Variants in SKAP1 observed in about 807,000 individuals in gnomAD.
SKAP1 encodes the protein src kinase associated phosphoprotein 1.
SKAP1 carries 44 observed loss-of-function variants against 58.5 expected under a neutral mutation model. That is an observed-to-expected ratio of 0.75 (90% CI 0.59 to 0.97). SKAP1 has a LOEUF of 0.97. SKAP1 is among the 50% of genes least tolerant of loss of function. SKAP1 has a pLI of 0.00. For missense variants in SKAP1, 390 were observed against 435.2 expected, an observed-to-expected ratio of 0.90 and a Z score of 0.92; for synonymous variants, 127 against 149.7, an observed-to-expected ratio of 0.85 and a Z score of 1.11.
At chr17:48,202,587 G>A (rs1360937953) in intron 4 of SKAP1, among the ~76,000 whole-genome samples, 2 of 152,012 alleles carry the variant, frequency 1.3e-5, no homozygotes, top group East Asian at 1.9e-4. Flanking sequence ...TGTTTCATCC[G>A]ACAAAACTCA....
At chr17:48,265,440 G>A (rs2065534191) in intron 4 of SKAP1, among the ~76,000 whole-genome samples, 1 of 151,848 alleles carries the variant, frequency 6.6e-6, no homozygotes, top group Admixed American at 6.6e-5. Flanking sequence ...GGGAGGCGGA[G>A]GTTGCAGTGA....
intron 2 of SKAP1, among the ~76,000 whole-genome samples, chr17:48,374,115 A>G (rs538851189): frequency 3.7e-4 from 56 of 152,152 alleles, no homozygotes; most frequent in African/African-American, 1.3e-3. Context: ...GCTCACTGCA[A>G]CTTCTGCCTC....
chr17:48,270,296 T>C (rs1233227604), intron 4 of SKAP1, among the ~76,000 whole-genome samples: 3 of 152,170 alleles, frequency 2.0e-5, no homozygotes, highest in Admixed American at 6.5e-5. Context: ...CACCTAATTT[T>C]AGCAAAATCA....
At chr17:48,408,081 C>T (rs56347129) in intron 1 of SKAP1, among the ~76,000 whole-genome samples, 2,789 of 152,216 alleles carry the variant, frequency 0.018, 40 homozygotes, top group Non-Finnish European at 0.028. Flanking sequence ...GGTAAGAGTT[C>T]AAGTGCTTTT....
intron 4 of SKAP1, among the ~76,000 whole-genome samples, chr17:48,248,523 C>A (rs954162319): frequency 6.6e-6 from 1 of 152,046 alleles, no homozygotes; most frequent in Non-Finnish European, 1.5e-5. Context: ...GCAGAGATTG[C>A]GCCGCTGCAC....
At chr17:48,188,178 T>C (rs1328352083) in intron 5 of SKAP1, among the ~76,000 whole-genome samples, 3 of 152,226 alleles carry the variant, frequency 2.0e-5, no homozygotes, top group Non-Finnish European at 4.4e-5. Flanking sequence ...TTATCTAGAC[T>C]CCTTTATATC....
chr17:48,211,410 C>G (rs1044981312), intron 4 of SKAP1, among the ~76,000 whole-genome samples: 1 of 152,110 alleles, frequency 6.6e-6, no homozygotes, highest in African/African-American at 2.4e-5. Context: ...TAAAGAGGTA[C>G]CTGTACAAAA....
intron 4 of SKAP1, among the ~76,000 whole-genome samples, chr17:48,210,657 T>C (rs2143670364): frequency 6.6e-6 from 1 of 151,898 alleles, no homozygotes; most frequent in Non-Finnish European, 1.5e-5. Flanking sequence ...GGATCATTAT[T>C]ACCAAGACTA....
chr17:48,216,149 A>G (rs1252961237), intron 4 of SKAP1, among the ~76,000 whole-genome samples: 2 of 152,200 alleles, frequency 1.3e-5, no homozygotes, highest in African/African-American at 4.8e-5. Flanking sequence ...AAGCTTAGCA[A>G]CATGTCACAC....
chr17:48,158,413 A>C (rs1460876932), intron 11 of SKAP1, among the ~76,000 whole-genome samples: 8 of 149,576 alleles, frequency 5.3e-5, no homozygotes. Flanking sequence ...AAAAAAAGAA[A>C]AGAAATTAGC....
At chr17:48,421,518 T>C (rs1286303792) in intron 1 of SKAP1, among the ~76,000 whole-genome samples, 1 of 152,094 alleles carries the variant, frequency 6.6e-6, no homozygotes, top group Admixed American at 6.5e-5. Context: ...TTGGCCAGGC[T>C]GGTCTCGAAC....
At chr17:48,313,310 T>G (rs1436239576) in intron 4 of SKAP1, among the ~76,000 whole-genome samples, 2 of 152,160 alleles carry the variant, frequency 1.3e-5, no homozygotes, top group African/African-American at 2.4e-5. Flanking sequence ...ATATAATCAT[T>G]GATTTGACCT....
chr17:48,430,156 G>T lies in SKAP1; in HGVS notation c.-36C>A. On this transcript the variant is annotated 5_prime_UTR_variant, in exon 1 of 13. Transcript: ENST00000336915. ...GGGAGAGAGGCGGGACGGGGCGCGG[G>T]CCCTGGTCGGGAGGCGGACGGGCTG... The T allele has an allele frequency of 1.6e-6, 2 of 1,251,258 alleles. No homozygotes were observed. The highest frequency in any genetic ancestry group is 2.0e-6 in the Non-Finnish European group (2 of 990,314). 77.5% of individuals were successfully genotyped at this position (1,251,258 alleles called of 1,614,324 possible).
chr17:48,348,172 T>A (rs1023938243), intron 3 of SKAP1, among the ~76,000 whole-genome samples: 6 of 151,874 alleles, frequency 4.0e-5, no homozygotes, highest in African/African-American at 1.5e-4. Flanking sequence ...ATACCCCATC[T>A]CTACAAAAAG....
intron 4 of SKAP1, among the ~76,000 whole-genome samples, chr17:48,232,796 G>A (rs2065139383): frequency 6.6e-6 from 1 of 152,122 alleles, no homozygotes; most frequent in South Asian, 2.1e-4. Flanking sequence ...ACAAAAGACC[G>A]TTAGTAGGAC....
intron 11 of SKAP1, among the ~76,000 whole-genome samples, chr17:48,147,587 G>T (rs2063847081): frequency 6.6e-6 from 1 of 152,190 alleles, no homozygotes; most frequent in African/African-American, 2.4e-5. Context: ...TTTCAGCACA[G>T]ATAGTTTTAT....
At chr17:48,338,405 G>A (rs1337884921) in intron 4 of SKAP1, among the ~76,000 whole-genome samples, 1 of 152,048 alleles carries the variant, frequency 6.6e-6, no homozygotes, top group African/African-American at 2.4e-5. Context: ...ACTCACCTTG[G>A]CCTCTCAAAG....
rs61622890 is a variant in SKAP1, at chr17:48,204,260, AT to A, written c.281-14761del. Reference sequence around the variant, plus strand: ...AGGCATGTGCCACCACACCTGGCTAATTTTTTTTTTTTTTGTATTTTTAGTA... The same window carrying A: ...AGGCATGTGCCACCACACCTGGCTAATTTTTTTTTTTTTGTATTTTTAGTA... On this transcript the variant is annotated intron_variant, in intron 4 of 12. Transcript: ENST00000336915. 546 of 142,010 alleles carry A rather than the reference AT, an allele frequency of 3.8e-3. 1 individual carries two copies. Among genetic ancestry groups the A allele is most frequent in the Admixed American group, 4.5e-3 (64 of 14,212 alleles). 8.8% of individuals were successfully genotyped at this position (142,010 alleles called of 1,614,324 possible).
In SKAP1 at chr17:48,157,566, G is replaced by C. The variant is rs8081910; in HGVS notation, c.978+4903C>G. Among the ~76,000 whole-genome samples, 695 of 142,842 alleles carry C rather than the reference G, an allele frequency of 4.9e-3. 3 individuals are homozygous for C. Among genetic ancestry groups the C allele is most frequent in the African/African-American group, 0.017 (651 of 38,786 alleles). The allele number at this position is 142,842 out of a possible 152,430, so 93.7% of individuals were successfully genotyped here. On this transcript the variant is annotated intron_variant, in intron 11 of 12. Coordinates refer to ENST00000336915, the MANE Select transcript of SKAP1 (RefSeq NM_003726.4). ...TTTTTTTGAGACAGGGTCTCACTCT[G>C]TTGCCCAGGCTGGAGTGCAGTGGCA...
Sources: gnomAD v4.1 joint callset for allele counts (sites outside exome capture counted in the v4.1 genomes callset) on GRCh38, gnomAD v4.1.1 for gene constraint, MANE v1.5 for transcripts, NCBI Gene and HGNC (gene_info 2026-07-23, HGNC 2026-07-21) for gene names.